Variants in TRIM10 observed in about 807,000 individuals in gnomAD.
TRIM10 encodes the protein tripartite motif containing 10.
A neutral mutation model predicts 40.0 loss-of-function variants in TRIM10; 42 were observed. The observed-to-expected ratio is 1.05, with a 90% CI of 0.82 to 1.36. The LOEUF (loss-of-function observed/expected upper bound fraction) is 1.36, where lower values mean the gene tolerates loss of function less well. Ranked by LOEUF, TRIM10 falls within the 40% of genes most tolerant of loss-of-function variation. TRIM10 has a pLI of 0.00. For synonymous variants in TRIM10, 260 were observed against 239.5 expected (o/e 1.09, Z -0.79); for missense variants, 601 against 608.3 (o/e 0.99, Z 0.13).
chr6:30,156,733 C>T, intron 5 of TRIM10: 2 of 661,950 alleles, frequency 3.0e-6, no homozygotes, highest in African/African-American at 1.8e-5. Context: ...ACTTTTTCAC[C>T]AGAAATATTC....
In TRIM10 at chr6:30,160,425, C is replaced by T; in HGVS notation, c.429+5G>A. ...CCCTGGGATCCCCCAGTTCCCCTTTCCTACCCTATAGGGAGCCGCTGCATC... is the reference window on the plus strand; with the variant it reads ...CCCTGGGATCCCCCAGTTCCCCTTTTCTACCCTATAGGGAGCCGCTGCATC... On this transcript the variant is annotated splice_donor_5th_base_variant and intron_variant, in intron 1 of 6. Coordinates refer to ENST00000449742, the MANE Select transcript of TRIM10 (RefSeq NM_006778.4). 1 of 1,611,448 alleles carries T rather than the reference C, an allele frequency of 6.2e-7. No homozygotes were observed. Among genetic ancestry groups the T allele is most frequent in the Non-Finnish European group, 8.5e-7 (1 of 1,178,186 alleles).
upstream of TRIM10, among the ~76,000 whole-genome samples, chr6:30,161,838 T>C (rs1189697174): frequency 6.6e-6 from 1 of 152,238 alleles, no homozygotes; most frequent in Non-Finnish European, 1.5e-5. Context: ...CATATAAAAA[T>C]AGTCTAAACA....
Position 30,160,537 on chromosome 6 carries a change from A to T in TRIM10, c.322T>A (p.Phe108Ile), listed in dbSNP as rs1235765795. ...VCQEHGEKIY[F>I]FCEDDEMQLC... Reference sequence around the variant, plus strand: ...TGCATCTCATCATCCTCACAGAAGAAGTAGATCTTCTCTCCGTGCTCTTGG... The same window carrying T: ...TGCATCTCATCATCCTCACAGAAGATGTAGATCTTCTCTCCGTGCTCTTGG... The change falls in exon 1 of 7, where the codon TTC (phenylalanine) becomes ATC (isoleucine). Residue 108 changes from phenylalanine (F) to isoleucine (I), a missense_variant. Coordinates refer to ENST00000449742, the MANE Select transcript of TRIM10 (RefSeq NM_006778.4). The T allele has an allele frequency of 1.2e-6, 2 of 1,614,212 alleles. No homozygotes were observed. Among genetic ancestry groups the T allele is most frequent in the South Asian group, 2.2e-5 (2 of 91,084 alleles).
Position 30,153,953 on chromosome 6 carries a change from A to G in TRIM10, c.*16T>C, listed in dbSNP as rs1183267864. 2 of 1,585,654 alleles carry G rather than the reference A, an allele frequency of 1.3e-6. No individual in the cohort carries two copies. Among genetic ancestry groups the G allele is most frequent in the South Asian group, 1.1e-5 (1 of 87,496 alleles). On this transcript the variant is annotated 3_prime_UTR_variant, in exon 7 of 7. Transcript: ENST00000449742. ...ATGAGTCCTGTACTTAGAGGAGAGT[A>G]GGTAACTGCTCCTTCTCAGGAGCTC...
chr6:30,158,385 G>T lies in TRIM10; in HGVS notation c.756+14C>A, dbSNP rs138647866. On this transcript the variant is annotated intron_variant, in intron 3 of 6. Transcript: ENST00000449742. ...GACAGCACAGGTGGGGCAGGGTTCC[G>T]GTTCAGGCCTCACCGTCAGGAGCTC... 8.7e-6 allele frequency: 14 copies of T among 1,608,638 alleles called. No individual in the cohort carries two copies. Among genetic ancestry groups the T allele is most frequent in the Non-Finnish European group, 1.1e-5 (13 of 1,176,178 alleles).
intron 3 of TRIM10, among the ~76,000 whole-genome samples, chr6:30,157,879 C>G (rs1581573508): frequency 6.6e-6 from 1 of 152,090 alleles, no homozygotes; most frequent in African/African-American, 2.4e-5. Flanking sequence ...TGACCTTCCC[C>G]TGCTCACTGG....
upstream of TRIM10, chr6:30,163,670 G>A: frequency 6.3e-7 from 1 of 1,590,254 alleles, no homozygotes; most frequent in Non-Finnish European, 8.6e-7. Context: ...TGGACGGGCT[G>A]GGGAAGGCAC....
At chr6:30,158,733 T>G in intron 2 of TRIM10, 104 bp from the exon 3 acceptor site, 1 of 936,836 alleles carries the variant, frequency 1.1e-6, no homozygotes, top group Non-Finnish European at 1.7e-6. Flanking sequence ...GTGTCATGGT[T>G]TCCTTTTCAC....
At position 30,160,974 on chromosome 6, in the gene TRIM10, C is replaced by A; in HGVS notation, c.-116G>T. The A allele has an allele frequency of 2.0e-6, 2 of 1,018,930 alleles. No homozygotes were observed. Among genetic ancestry groups the A allele is most frequent in the Non-Finnish European group, 2.8e-6 (2 of 716,110 alleles). 63.1% of individuals were successfully genotyped at this position (1,018,930 alleles called of 1,614,324 possible). Reference sequence around the variant, plus strand: ...GCACATGGCTGGACACAGGCACATACTAAATATGCACCAGCACCCATATCG... The same window carrying A: ...GCACATGGCTGGACACAGGCACATAATAAATATGCACCAGCACCCATATCG... On this transcript the variant is annotated 5_prime_UTR_variant, in exon 1 of 7. Coordinates refer to ENST00000449742, the MANE Select transcript of TRIM10 (RefSeq NM_006778.4).
At chr6:30,157,624 T>C (rs1055078258) in intron 3 of TRIM10, among the ~76,000 whole-genome samples, 9 of 150,714 alleles carry the variant, frequency 6.0e-5, no homozygotes, top group African/African-American at 2.2e-4. Context: ...TAGCTGGGAC[T>C]ACAGGTGTTT....
Position 30,152,657 on chromosome 6 carries a change from A to T in TRIM10, c.*1312T>A, listed in dbSNP as rs935073300. 2.7e-5 allele frequency: 4 copies of T among 148,822 alleles called. No homozygotes were observed. In the South Asian group the frequency reaches 6.3e-4, roughly 24 times the overall value. 9.2% of individuals were successfully genotyped at this position (148,822 alleles called of 1,614,324 possible). On this transcript the variant is annotated 3_prime_UTR_variant, in exon 7 of 7. Transcript: ENST00000449742. ...TCCTCCCAGGAGACCCAGTAGGGAG[A>T]TGACAGAGCATTGTAGTTTACACTG...
In TRIM10 at chr6:30,154,193, C is replaced by G; in HGVS notation, c.1222G>C (p.Ala408Pro). 1 of 1,612,002 alleles carries G rather than the reference C, an allele frequency of 6.2e-7. No homozygotes were observed. The highest frequency in any genetic ancestry group is 8.5e-7 in the Non-Finnish European group (1 of 1,179,194). Residue 408 changes from alanine (A) to proline (P), a missense_variant, in exon 7 of 7, where the codon GCT becomes CCT. Ala to Pro is a conservative substitution (Grantham distance 27). Coordinates refer to ENST00000449742, the MANE Select transcript of TRIM10 (RefSeq NM_006778.4). ...PEEGVWAVRLAWGFVSALGSF... is the reference protein window; with the variant it reads ...PEEGVWAVRLPWGFVSALGSF... ...CCCAGAGCCGAGACGAAGCCCCAAGCCAGCCTCACAGCCCACACCCCCTCC... is the reference window on the plus strand; with the variant it reads ...CCCAGAGCCGAGACGAAGCCCCAAGGCAGCCTCACAGCCCACACCCCCTCC...
upstream of TRIM10, among the ~76,000 whole-genome samples, chr6:30,162,931 AAAATAAATAAATAAATAAAT>A (rs9278598): frequency 7.6e-5 from 11 of 143,838 alleles, no homozygotes; most frequent in African/African-American, 1.5e-4. Context: ...CGCTACAGTA[AAAATAAATAAATAAATAAAT>A]AAATAAATAA....
At chr6:30,156,642 A>C (rs1477034075) in intron 5 of TRIM10, 1 of 451,212 alleles carries the variant, frequency 2.2e-6, no homozygotes, top group Admixed American at 3.7e-5. Context: ...CTTATTAAGA[A>C]TGATATATTG....
chr6:30,160,927 A>G lies in TRIM10; in HGVS notation c.-69T>C. The G allele has an allele frequency of 2.8e-6, 4 of 1,421,954 alleles. No individual in the cohort carries two copies. The highest frequency in any genetic ancestry group is 3.8e-6 in the Non-Finnish European group (4 of 1,063,142). The allele number at this position is 1,421,954 out of a possible 1,614,324, so 88.1% of individuals were successfully genotyped here. A position where few individuals can be genotyped will look rare whatever the true frequency, so the allele number is the denominator to read the frequency against. Reference sequence around the variant, plus strand: ...TTGGCCACGGGGGAAGGGCTGGGTCACACACTCACACACCCACACATGCAC... The same window carrying G: ...TTGGCCACGGGGGAAGGGCTGGGTCGCACACTCACACACCCACACATGCAC... On this transcript the variant is annotated 5_prime_UTR_variant, in exon 1 of 7. It removes the in-frame stop codon of an upstream open reading frame in the 5' UTR. Coordinates refer to ENST00000449742, the MANE Select transcript of TRIM10 (RefSeq NM_006778.4).
chr6:30,160,665 C>A lies in TRIM10; in HGVS notation c.194G>T (p.Arg65Leu). 6.2e-7 allele frequency: 1 copy of A among 1,614,092 alleles called. No individual in the cohort carries two copies. Among genetic ancestry groups the A allele is most frequent in the Non-Finnish European group, 8.5e-7 (1 of 1,179,996 alleles). Residue 65 changes from arginine (R) to leucine (L), a missense_variant, in exon 1 of 7, where the codon CGT becomes CTT. Physicochemically the swap from Arg to Leu is moderately radical, Grantham distance 102 (BLOSUM62 -2). Coordinates refer to ENST00000449742, the MANE Select transcript of TRIM10 (RefSeq NM_006778.4). Reference sequence around the variant, plus strand: ...CCAGTTGGGCCGGAAGCTCCCAGGACGGAAGGGTTCTTTGCAGAGTGGGCA... The same window carrying A: ...CCAGTTGGGCCGGAAGCTCCCAGGAAGGAAGGGTTCTTTGCAGAGTGGGCA... ...PTCPLCKEPFRPGSFRPNWQL... is the reference protein window; with the variant it reads ...PTCPLCKEPFLPGSFRPNWQL...
At chr6:30,155,619 TTATGACTATTGTCA>T (rs1230812932) in intron 6 of TRIM10, 94 bp downstream of exon 6, 1 of 944,442 alleles carries the variant, frequency 1.1e-6, no homozygotes. Flanking sequence ...TGGGTGTTTG[TTATGACTATTGTCA>T]TAGTCATAAC....
chr6:30,160,897 T>A lies in TRIM10; in HGVS notation c.-39A>T. 1 of 1,546,126 alleles carries A rather than the reference T, an allele frequency of 6.5e-7. No individual in the cohort carries two copies. The highest frequency in any genetic ancestry group is 8.7e-7 in the Non-Finnish European group (1 of 1,150,088). On this transcript the variant is annotated 5_prime_UTR_variant, in exon 1 of 7. Transcript: ENST00000449742. ...CTATGGCTTCCTCAAGGCCACTCTC[T>A]CTGCTTGGCCACGGGGGAAGGGCTG...
At position 30,158,397 on chromosome 6, in the gene TRIM10, A is replaced by G. The variant is rs746633780; in HGVS notation, c.756+2T>C. 1 of 1,612,750 alleles carries G rather than the reference A, an allele frequency of 6.2e-7. No homozygotes were observed. Among genetic ancestry groups the G allele is most frequent in the Non-Finnish European group, 8.5e-7 (1 of 1,179,766 alleles). ...GGGGCAGGGTTCCGGTTCAGGCCTC[A>G]CCGTCAGGAGCTCCCTTGCTGGCCT... On this transcript the variant is annotated splice_donor_variant, in intron 3 of 6. Transcript: ENST00000449742. LOFTEE classifies it high-confidence loss of function.
Sources: allele counts gnomAD v4.1 joint callset (sites outside exome capture counted in the v4.1 genomes callset), GRCh38; gene constraint gnomAD v4.1.1; transcripts MANE v1.5; gene names NCBI Gene and HGNC (gene_info 2026-07-23, HGNC 2026-07-21).